Variants in THOC2 observed in about 807,000 individuals in gnomAD.
THOC2 encodes THO complex 2.
A neutral mutation model predicts 128.4 loss-of-function variants in THOC2; 10 were observed. That is an observed-to-expected ratio of 0.08 (90% CI 0.05 to 0.13). The LOEUF is 0.13. Ranked by LOEUF, THOC2 falls within the 10% of genes least tolerant of loss-of-function variation. THOC2 has a pLI of 1.00. For synonymous variants in THOC2, 393 were observed against 396.9 expected, an observed-to-expected ratio of 0.99 and a Z score of 0.12; for missense variants, 535 against 1,155.7, an observed-to-expected ratio of 0.46 and a Z score of 7.79.
intron 1 of THOC2, among the ~76,000 whole-genome samples, chrX:123,720,483 G>A (rs957539388): frequency 1.8e-5 from 2 of 111,575 alleles, no homozygotes; most frequent in Non-Finnish European, 3.8e-5. Flanking sequence ...TAATGCAATT[G>A]TTATGAAAAA....
intron 1 of THOC2, among the ~76,000 whole-genome samples, chrX:123,729,155 A>G (rs1183090092): frequency 8.9e-6 from 1 of 112,375 alleles, no homozygotes; most frequent in East Asian, 2.8e-4. Context: ...GCATTTAGAT[A>G]TAAGTATTAT....
intron 18 of THOC2, among the ~76,000 whole-genome samples, chrX:123,637,731 G>T (rs2047730734): frequency 9.0e-6 from 1 of 111,228 alleles, no homozygotes; most frequent in South Asian, 3.9e-4. Context: ...CTGCACTCCA[G>T]CCTGGATGAC....
intron 12 of THOC2, among the ~76,000 whole-genome samples, chrX:123,655,039 T>G (rs2048515649): frequency 9.0e-6 from 1 of 111,098 alleles, no homozygotes; most frequent in African/African-American, 3.3e-5. Flanking sequence ...TCCCTGCCCC[T>G]TGAACATTTC....
At chrX:123,730,821 G>A (rs1265362774) in intron 1 of THOC2, among the ~76,000 whole-genome samples, 1 of 112,120 alleles carries the variant, frequency 8.9e-6, no homozygotes, top group Non-Finnish European at 1.9e-5. Flanking sequence ...GCACGCGCCT[G>A]TAGTCCCAGC....
chrX:123,621,336 A>G lies in THOC2; in HGVS notation c.4037T>C (p.Val1346Ala). ...KAKDEKFKTT[V>A]PNAESKSTQE... is the part of the protein sequence containing the mutation. ...AGTTGATTTTGATTCTGCGTTGGGG[A>G]CAGTGGTCTTAAATTTCTCATCTTT... The change falls in exon 31 of 39, where the codon GTC (valine) becomes GCC (alanine). Residue 1346 changes from valine (V) to alanine (A), a missense_variant. Val to Ala is a moderately conservative substitution (Grantham distance 64). This residue lies in a region of THOC2 where 116 missense variants were observed against 180.0 expected (regional missense o/e 0.64). Coordinates refer to ENST00000245838, the MANE Select transcript of THOC2 (RefSeq NM_001081550.2). The G allele has an allele frequency of 4.1e-6, 5 of 1,209,348 alleles. No homozygotes were observed. The highest frequency in any genetic ancestry group is 5.6e-6 in the Non-Finnish European group (5 of 894,808).
rs188944089 is a variant in THOC2 at position 123,671,672 on chromosome X, T to A, written c.858A>T (p.Val286=). Residue 286 remains valine, a synonymous_variant, in exon 9 of 39, where the codon GTA becomes GTT. Transcript: ENST00000245838. ...CTTAGCAGCCCACTTGACTTACATG[T>A]ACATAAAGATCATCTAAATCAATAA... The part of the protein sequence containing the change: ...FNLIDLDDLY[V]HLLPADNCIM... 430 of 1,127,900 alleles carry A rather than the reference T, an allele frequency of 3.8e-4. 2 individuals carry two copies. Among genetic ancestry groups the A allele is most frequent in the Admixed American group, 7.8e-4 (33 of 42,058 alleles). 93.0% of individuals were successfully genotyped at this position (1,127,900 alleles called of 1,213,427 possible).
At chrX:123,725,157 T>TA (rs34380757) in intron 1 of THOC2, among the ~76,000 whole-genome samples, 36,468 of 109,862 alleles carry the variant, frequency 0.33, 4,617 homozygotes, top group East Asian at 0.67. Context: ...CATTTCTCAC[T>TA]AAAAAAATTA....
chrX:123,649,047 G>T (rs1359211988), intron 12 of THOC2, among the ~76,000 whole-genome samples: 3 of 112,173 alleles, frequency 2.7e-5, no homozygotes, highest in Non-Finnish European at 5.6e-5. Flanking sequence ...GGGGTCGACA[G>T]ACACATCATA....
intron 8 of THOC2, among the ~76,000 whole-genome samples, chrX:123,680,797 A>C (rs1327601393): frequency 8.9e-6 from 1 of 111,916 alleles, no homozygotes; most frequent in Non-Finnish European, 1.9e-5. Context: ...CAGTCCAAAA[A>C]ACTTCAGAAT....
chrX:123,671,138 A>C (rs2147817153), intron 9 of THOC2, among the ~76,000 whole-genome samples: 1 of 111,809 alleles, frequency 8.9e-6, no homozygotes, highest in African/African-American at 3.2e-5. Flanking sequence ...TCCAGCAATA[A>C]AAGCATAATA....
At position 123,611,471 on chromosome X, in the gene THOC2, C is replaced by T; in HGVS notation, c.4723G>A (p.Asp1575Asn). The T allele has an allele frequency of 8.4e-7, 1 of 1,196,066 alleles. No homozygotes were observed. The highest frequency in any genetic ancestry group is 1.1e-6 in the Non-Finnish European group (1 of 882,081). ...TTCTCTTCCTTTCCTCCTGAACTGT[C>T]CCGTTTCTCTTTCTTTTCTATCTTT... is the stretch of plus-strand genomic sequence containing the variant. ...KEKIEKKEKR[D>N]SSGGKEEKKH... The change falls in exon 37 of 39, where the codon GAC (aspartate) becomes AAC (asparagine). Residue 1575 changes from aspartate to asparagine, a missense_variant. By Grantham distance (23) the Asp-to-Asn change is conservative. Around this residue, in one of 9 missense-constraint regions of THOC2, gnomAD observed 39 missense variants for 93.1 expected, o/e 0.42. Coordinates refer to ENST00000245838, the MANE Select transcript of THOC2 (RefSeq NM_001081550.2).
At chrX:123,636,720 G>A (rs1336890553) in intron 18 of THOC2, among the ~76,000 whole-genome samples, 2 of 111,455 alleles carry the variant, frequency 1.8e-5, no homozygotes, top group African/African-American at 6.5e-5. Flanking sequence ...TTTAACCAAT[G>A]GTCCTTATCA....
chrX:123,655,348 T>C (rs2048528052), intron 12 of THOC2, among the ~76,000 whole-genome samples: 1 of 111,637 alleles, frequency 9.0e-6, no homozygotes, highest in Non-Finnish European at 1.9e-5. Context: ...CCTCCTGTAA[T>C]AGCTGACAAA....
rs1169237138 is a variant in THOC2 at position 123,665,853 on chromosome X, A to C, written c.1191-16T>G. The C allele has an allele frequency of 1.1e-6, 1 of 913,864 alleles. No individual in the cohort carries two copies. The highest frequency in any genetic ancestry group is 2.0e-5 in the African/African-American group (1 of 49,384). The allele number at this position is 913,864 out of a possible 1,213,427, so 75.3% of individuals were successfully genotyped here. A position where few individuals can be genotyped will look rare whatever the true frequency, so the allele number is the denominator to read the frequency against. On this transcript the variant is annotated splice_polypyrimidine_tract_variant and intron_variant, in intron 11 of 38. Coordinates refer to ENST00000245838, the MANE Select transcript of THOC2 (RefSeq NM_001081550.2). ...AACTCCAACTCTATTTTAAAAAGTA[A>C]AATAAATAAATAAACAAATAAATAA... is the stretch of plus-strand genomic sequence containing the variant.
intron 33 of THOC2, among the ~76,000 whole-genome samples, chrX:123,616,785 G>A (rs774893348): frequency 1.8e-5 from 2 of 110,128 alleles, no homozygotes; most frequent in South Asian, 7.6e-4. Flanking sequence ...GGTAAAGGGT[G>A]AACTGACAGA....
chrX:123,710,898 G>A lies in THOC2; in HGVS notation c.130+1952C>T, dbSNP rs551778314. 8.7e-5 allele frequency among the ~76,000 whole-genome samples: 9 copies of A among 103,861 alleles called. No individual in the cohort carries two copies. The South Asian group carries it at 3.8e-3, about 44-fold the overall frequency. The allele number at this position is 103,861 out of a possible 115,157, so 90.2% of individuals were successfully genotyped here. Reference sequence around the variant, plus strand: ...CTAGCTACTCGGGAGGCTGAGGCAGGAGAATCGCTTGAACCTGGGAGACAG... The same window carrying A: ...CTAGCTACTCGGGAGGCTGAGGCAGAAGAATCGCTTGAACCTGGGAGACAG... On this transcript the variant is annotated intron_variant, in intron 2 of 38. Transcript: ENST00000245838.
At chrX:123,604,411 TGTTA>T (rs1329810618) in intron 38 of THOC2, among the ~76,000 whole-genome samples, 1 of 110,632 alleles carries the variant, frequency 9.0e-6, no homozygotes, top group Non-Finnish European at 1.9e-5. Flanking sequence ...GGTCCTGTTT[TGTTA>T]GTAAGACTGC....
At chrX:123,648,142 G>A (rs901835343) in intron 12 of THOC2, among the ~76,000 whole-genome samples, 9 of 111,523 alleles carry the variant, frequency 8.1e-5, no homozygotes, top group African/African-American at 2.6e-4. Context: ...AACAGTGGGT[G>A]CAGCCCACAG....
chrX:123,650,377 C>T (rs757216405), intron 12 of THOC2, among the ~76,000 whole-genome samples: 1 of 111,942 alleles, frequency 8.9e-6, no homozygotes, highest in Non-Finnish European at 1.9e-5. Flanking sequence ...AGACCATCGA[C>T]ACTATGAAGA....
Sources: allele counts gnomAD v4.1 joint callset (sites outside exome capture counted in the v4.1 genomes callset), GRCh38; gene constraint gnomAD v4.1.1; regional missense constraint gnomAD v4.1.1; transcripts MANE v1.5; gene names NCBI Gene and HGNC (gene_info 2026-07-23, HGNC 2026-07-21).